The following HSF1 variants were observed in gnomAD, a reference collection of about 807,000 sequenced individuals.
HSF1 encodes heat shock factor protein 1.
In HSF1, 32 loss-of-function variants were observed where a neutral mutation model predicts 51.7. That is an observed-to-expected ratio of 0.62 (90% confidence interval 0.47 to 0.83). HSF1 has a LOEUF of 0.83. Ranked by LOEUF, HSF1 falls within the 40% of genes least tolerant of loss-of-function variation. The probability of loss-of-function intolerance (pLI) is 0.00; values close to 1 mark genes in which losing one functional copy is unlikely to be tolerated. For synonymous variants in HSF1, 396 were observed against 309.7 expected, an observed-to-expected ratio of 1.28 and a Z score of -2.92; for missense variants, 727 against 717.0, an observed-to-expected ratio of 1.01 and a Z score of -0.16.
At chr8:144,313,369 T>C in intron 9 of HSF1, 142 bp from the exon 10 acceptor site, 2 of 605,696 alleles carry the variant, frequency 3.3e-6, no homozygotes, top group South Asian at 2.0e-5. Flanking sequence ...CGTCCTCGAA[T>C]GCGCTGCCCC....
rs1400342750 is a variant in HSF1 at position 144,311,553 on chromosome 8, T to C, written c.675T>C (p.Tyr225=). 3.7e-6 allele frequency: 6 copies of C among 1,613,554 alleles called. No homozygotes were observed. Among genetic ancestry groups the C allele is most frequent in the Admixed American group, 1.7e-5 (1 of 59,996 alleles). ...DSGSAHSMPK[Y]SRQFSLEHVH... ...GCTCAGCACATTCCATGCCCAAGTA[T>C]AGCCGGCAGTTCTCCCTGGAGCACG... The change falls in exon 7 of 13, where the codon TAT becomes TAC. Residue 225 remains tyrosine (Y), a synonymous_variant. Transcript: ENST00000528838.
chr8:144,311,463 C>T, intron 6 of HSF1, 42 bp from the exon 7 acceptor site: 2 of 1,612,840 alleles, frequency 1.2e-6, no homozygotes, highest in Non-Finnish European at 1.7e-6. Context: ...CCCGGGTACC[C>T]CGAGGTGGGG....
rs200339075 is a variant in HSF1, at chr8:144,311,584, G to A, written c.706G>A (p.Gly236Ser). 3.5e-5 allele frequency: 56 copies of A among 1,613,568 alleles called. No individual in the cohort carries two copies. The East Asian group carries it at 8.5e-4, about 24-fold the overall frequency. Residue 236 changes from glycine to serine, a missense_variant, in exon 7 of 13, where the codon GGC becomes AGC. Transcript: ENST00000528838. ...SRQFSLEHVHGSGPYSAPSPA... is the reference protein window; with the variant it reads ...SRQFSLEHVHSSGPYSAPSPA... ...GCAGTTCTCCCTGGAGCACGTCCAC[G>A]GCTCGGGCCCCTACTCGGTGAGTGC...
intron 1 of HSF1, among the ~76,000 whole-genome samples, chr8:144,301,965 A>G (rs1815917442): frequency 6.6e-6 from 1 of 150,984 alleles, no homozygotes; most frequent in East Asian, 2.0e-4. Flanking sequence ...CAGATGGGGC[A>G]ACATAGCTTG....
chr8:144,314,116 C>T lies in HSF1; in HGVS notation c.1385-9C>T, dbSNP rs782482626. ...ACCCCCCACCGCCTTGACACCCCCACCCCCGCAGGGAAGCAGCTGGTGCAC... is the reference window on the plus strand; with the variant it reads ...ACCCCCCACCGCCTTGACACCCCCATCCCCGCAGGGAAGCAGCTGGTGCAC... On this transcript the variant is annotated splice_polypyrimidine_tract_variant and intron_variant, in intron 12 of 12. Transcript: ENST00000528838. 18 of 1,542,962 alleles carry T rather than the reference C, an allele frequency of 1.2e-5. No homozygotes were observed. In the South Asian group the frequency reaches 2.0e-4, roughly 17 times the overall value.
intron 10 of HSF1, 34 bp downstream of exon 10, chr8:144,313,650 C>CCG (rs1816882951): frequency 8.0e-6 from 2 of 249,802 alleles, no homozygotes; most frequent in Non-Finnish European, 1.3e-5. Flanking sequence ...CCTCCCCGCC[C>CCG]CGCCTCCCCG....
At chr8:144,311,900 C>A in intron 8 of HSF1, 63 bp from the exon 9 acceptor site, 1 of 1,582,502 alleles carries the variant, frequency 6.3e-7, no homozygotes, top group South Asian at 1.2e-5. Context: ...GGGCCCAGGG[C>A]AGAGTTGGGG....
chr8:144,314,616 TAC>T lies in HSF1; in HGVS notation c.*290_*291del, dbSNP rs1432136626. ...TAGTCAGAATTGTATTTTGGATTTT[TAC>T]ACAACTGTCCCGTTCCCCGCTCCAC... On this transcript the variant is annotated 3_prime_UTR_variant, in exon 13 of 13. Transcript: ENST00000528838. The T allele has an allele frequency of 2.0e-6, 1 of 499,302 alleles. No individual in the cohort carries two copies. The highest frequency in any genetic ancestry group is 3.6e-6 in the Non-Finnish European group (1 of 275,198). The allele number at this position is 499,302 out of a possible 1,614,324, so 30.9% of individuals were successfully genotyped here.
chr8:144,312,930 T>G, intron 9 of HSF1: 1 of 588,302 alleles, frequency 1.7e-6, no homozygotes, highest in Non-Finnish European at 3.0e-6. Flanking sequence ...CAGGCCTCCC[T>G]GCTCTGGCAC....
At chr8:144,313,241 G>A (rs1445887476) in intron 9 of HSF1, 7 of 488,898 alleles carry the variant, frequency 1.4e-5, no homozygotes, top group African/African-American at 7.8e-5. Context: ...AGCTGAATAC[G>A]CCCCTTGTCT....
rs913193059 is a variant in HSF1, at chr8:144,314,516, C to G, written c.*186C>G. 8.9e-5 allele frequency: 54 copies of G among 608,568 alleles called. No individual in the cohort carries two copies. Among genetic ancestry groups the G allele is most frequent in the African/African-American group, 8.1e-4 (44 of 54,006 alleles). The allele number at this position is 608,568 out of a possible 1,614,324, so 37.7% of individuals were successfully genotyped here. A position where few individuals can be genotyped will look rare whatever the true frequency, so the allele number is the denominator to read the frequency against. ...GGGTCACCCTGGCCTGCCAGTCTGC[C>G]TTCCCCCAACCCCGTGTCCTGTGGT... On this transcript the variant is annotated 3_prime_UTR_variant, in exon 13 of 13. Coordinates refer to ENST00000528838, the MANE Select transcript of HSF1 (RefSeq NM_005526.4).
At chr8:144,306,235 G>A (rs1183544614) in intron 1 of HSF1, among the ~76,000 whole-genome samples, 1 of 148,092 alleles carries the variant, frequency 6.8e-6, no homozygotes, top group South Asian at 2.1e-4. Flanking sequence ...TAAGTCCAGT[G>A]TCCAATGTTT....
At chr8:144,293,240 A>C (rs1815223273) in intron 1 of HSF1, among the ~76,000 whole-genome samples, 2 of 152,178 alleles carry the variant, frequency 1.3e-5, no homozygotes, top group Admixed American at 1.3e-4. Flanking sequence ...GAAGACTGGA[A>C]ATCTTTGCTC....
intron 1 of HSF1, among the ~76,000 whole-genome samples, chr8:144,307,615 A>T (rs1554843504): frequency 6.7e-6 from 1 of 150,364 alleles, no homozygotes; most frequent in African/African-American, 2.4e-5. Flanking sequence ...TGGCGCCTAT[A>T]GTCAGCTACT....
rs1554843840 is a variant in HSF1, at chr8:144,309,345, A to G, written c.227-110A>G. 5 of 1,468,298 alleles carry G rather than the reference A, an allele frequency of 3.4e-6. No homozygotes were observed. The African/African-American group carries it at 6.9e-5, about 20-fold the overall frequency. The allele number at this position is 1,468,298 out of a possible 1,614,324, so 91.0% of individuals were successfully genotyped here. A position where few individuals can be genotyped will look rare whatever the true frequency, so the allele number is the denominator to read the frequency against. ...GGCATGGGCTCTGAGGGGGCAGGGC[A>G]GGGTCTGACCATGGCCAAGCCCCGC... On this transcript the variant is annotated intron_variant, in intron 2 of 12. Transcript: ENST00000528838.
chr8:144,294,027 C>G (rs1327252627), intron 1 of HSF1, among the ~76,000 whole-genome samples: 1 of 151,852 alleles, frequency 6.6e-6, no homozygotes, highest in African/African-American at 2.4e-5. Flanking sequence ...CACAGGTGCA[C>G]CACCTGTGGA....
At chr8:144,294,774 A>G (rs1163421153) in intron 1 of HSF1, among the ~76,000 whole-genome samples, 1 of 114,860 alleles carries the variant, frequency 8.7e-6, no homozygotes, top group Admixed American at 9.1e-5. Flanking sequence ...CCCCCCTCCC[A>G]AGACCCTCAT....
At position 144,291,808 on chromosome 8, in the gene HSF1, C is replaced by A; in HGVS notation, c.51C>A (p.Ala17=). 6.4e-7 allele frequency: 1 copy of A among 1,555,998 alleles called. No individual in the cohort carries two copies. Among genetic ancestry groups the A allele is most frequent in the Non-Finnish European group, 8.7e-7 (1 of 1,155,628 alleles). The change falls in exon 1 of 13, where the codon GCC becomes GCA. Residue 17 remains alanine (A), a synonymous_variant. Coordinates refer to ENST00000528838, the MANE Select transcript of HSF1 (RefSeq NM_005526.4). This position sits in a 1 kb window ranked among gnomAD's most constrained non-coding sequence, Gnocchi z 4.1. ...PGAAGPSNVP[A]FLTKLWTLVS... ...CGGCGGGGCCCAGCAACGTCCCGGC[C>A]TTCCTGACCAAGCTGTGGACCCTCG... is the stretch of plus-strand genomic sequence containing the variant.
At chr8:144,310,403 G>A (rs1423312225) in intron 4 of HSF1, 1 of 154,494 alleles carries the variant, frequency 6.5e-6, no homozygotes, top group Non-Finnish European at 1.4e-5. Flanking sequence ...AGAAACTGAG[G>A]CAAGCCCACC....
Sources: allele counts gnomAD v4.1 joint callset (sites outside exome capture counted in the v4.1 genomes callset), GRCh38; gene constraint gnomAD v4.1.1; non-coding constraint Gnocchi (gnomAD v3.1); transcripts MANE v1.5; gene names NCBI Gene and HGNC (gene_info 2026-07-23, HGNC 2026-07-21).